The following GRIN2A variants were observed in gnomAD, a reference collection of about 807,000 sequenced individuals.
The protein encoded by GRIN2A is glutamate receptor ionotropic, NMDA 2A.
A neutral mutation model predicts 113.4 loss-of-function variants in GRIN2A; 22 were observed. The ratio of observed to expected loss-of-function variants is 0.19; its 90% CI spans 0.14 to 0.28. The LOEUF is 0.28. GRIN2A is among the 10% of genes least tolerant of loss of function. The pLI, the probability that GRIN2A is intolerant of heterozygous loss-of-function variation, is 1.00. For missense variants in GRIN2A, 1,502 were observed against 1,887.0 expected (o/e 0.80, Z 3.78); for synonymous variants, 827 against 738.4 (o/e 1.12, Z -1.94).
intron 4 of GRIN2A, 52 bp from the exon 5 acceptor site, chr16:9,850,013 T>A (rs775927553): frequency 1.3e-6 from 2 of 1,493,154 alleles, no homozygotes; most frequent in South Asian, 2.3e-5. Context: ...CGCTGATTTC[T>A]GGAGAGGCAA....
At chr16:10,034,343 G>A (rs1270219046) in intron 2 of GRIN2A, among the ~76,000 whole-genome samples, 2 of 151,684 alleles carry the variant, frequency 1.3e-5, no homozygotes, top group African/African-American at 4.8e-5. Context: ...TGGCCAATAT[G>A]GTGAAACCCT....
rs151137679 is a variant in GRIN2A, at chr16:9,849,920, G to C, written c.1164C>G (p.Ala388=). 1 of 1,614,050 alleles carries C rather than the reference G, an allele frequency of 6.2e-7. No individual in the cohort carries two copies. Among genetic ancestry groups the C allele is most frequent in the Non-Finnish European group, 8.5e-7 (1 of 1,179,974 alleles). ...WENHTLSLRH[A]VWPRYKSFSD... ...AGAAGGACTTGTACCTGGGCCACAC[G>C]GCGTGCCTCAGGCTCAGCGTATGGT... The change falls in exon 5 of 13, where the codon GCC becomes GCG. Residue 388 remains alanine, a synonymous_variant. Transcript: ENST00000330684.
At chr16:10,032,149 A>G (rs1174668733) in intron 2 of GRIN2A, among the ~76,000 whole-genome samples, 1 of 152,224 alleles carries the variant, frequency 6.6e-6, no homozygotes, top group Non-Finnish European at 1.5e-5. Flanking sequence ...TTTGGACCCC[A>G]TTTTATGCTG....
chr16:10,154,796 A>G (rs1174581048), intron 2 of GRIN2A, among the ~76,000 whole-genome samples: 2 of 152,222 alleles, frequency 1.3e-5, no homozygotes, highest in Non-Finnish European at 2.9e-5. Flanking sequence ...CAGAAATAGC[A>G]GCACAGACAA....
chr16:9,915,443 C>G (rs1461373668), intron 3 of GRIN2A, among the ~76,000 whole-genome samples: 1 of 152,120 alleles, frequency 6.6e-6, no homozygotes, highest in African/African-American at 2.4e-5. Context: ...TACATACAAA[C>G]AAGTATTTTT....
chr16:9,991,031 C>T (rs1363135117), intron 2 of GRIN2A, among the ~76,000 whole-genome samples: 1 of 152,040 alleles, frequency 6.6e-6, no homozygotes, highest in African/African-American at 2.4e-5. Context: ...CACGCCACTA[C>T]ACTCCAGCCT....
At chr16:10,093,651 T>C (rs991626418) in intron 2 of GRIN2A, among the ~76,000 whole-genome samples, 1 of 151,878 alleles carries the variant, frequency 6.6e-6, no homozygotes, top group African/African-American at 2.4e-5. Flanking sequence ...TTGCAGTAGA[T>C]TGCATGATTG....
At chr16:10,078,181 T>C (rs1007441256) in intron 2 of GRIN2A, among the ~76,000 whole-genome samples, 6 of 152,188 alleles carry the variant, frequency 3.9e-5, no homozygotes, top group Non-Finnish European at 7.4e-5. Flanking sequence ...ACAACAATAA[T>C]GAAGTGCTTA....
intron 11 of GRIN2A, among the ~76,000 whole-genome samples, chr16:9,790,189 A>G (rs1902521135): frequency 1.3e-5 from 2 of 152,204 alleles, no homozygotes. Flanking sequence ...AGATACCCCA[A>G]CTGTCCTCTA....
intron 2 of GRIN2A, among the ~76,000 whole-genome samples, chr16:10,055,553 A>G (rs1185045509): frequency 6.6e-6 from 1 of 152,236 alleles, no homozygotes; most frequent in African/African-American, 2.4e-5. Context: ...AGCAGACAAA[A>G]CATCTGGGAA....
At chr16:10,081,627 A>G (rs567620193) in intron 2 of GRIN2A, among the ~76,000 whole-genome samples, 1 of 152,364 alleles carries the variant, frequency 6.6e-6, no homozygotes, top group East Asian at 1.9e-4. Flanking sequence ...TTGTAAAAAC[A>G]AATAGAACTT....
intron 11 of GRIN2A, among the ~76,000 whole-genome samples, chr16:9,789,474 G>A (rs1310399258): frequency 6.6e-6 from 1 of 152,060 alleles, no homozygotes; most frequent in Non-Finnish European, 1.5e-5. Context: ...TGACTATTAT[G>A]TGGGAACGCC....
rs570902379 is a variant in GRIN2A at position 9,784,529 on chromosome 16, G to A, written c.2356+13748C>T. Among the ~76,000 whole-genome samples the A allele has an allele frequency of 6.7e-4, 102 of 151,374 alleles. 2 individuals are homozygous for A. Among genetic ancestry groups the A allele is most frequent in the Non-Finnish European group, 2.4e-4 (16 of 67,896 alleles). On this transcript the variant is annotated intron_variant, in intron 11 of 12. Transcript: ENST00000330684. The stretch of plus-strand genomic sequence containing the variant: ...CAATACCACTCAGGACATAGGCATG[G>A]GCAAGGACTTCATGTCTAAAACACC...
intron 10 of GRIN2A, among the ~76,000 whole-genome samples, chr16:9,814,156 TATG>T (rs2042142865): frequency 6.6e-6 from 1 of 152,220 alleles, no homozygotes; most frequent in South Asian, 2.1e-4. Context: ...CATCAATTAA[TATG>T]ATATGTACTC....
chr16:10,110,766 A>G (rs2048597491), intron 2 of GRIN2A, among the ~76,000 whole-genome samples: 1 of 152,230 alleles, frequency 6.6e-6, no homozygotes, highest in South Asian at 2.1e-4. Flanking sequence ...TTCACAGCTC[A>G]ACACAGATGA....
chr16:10,005,626 C>G (rs62033386), intron 2 of GRIN2A, among the ~76,000 whole-genome samples: 3 of 151,950 alleles, frequency 2.0e-5, no homozygotes, highest in Admixed American at 6.6e-5. Context: ...ATCACTGGAG[C>G]TTTTAAATCT....
intron 2 of GRIN2A, among the ~76,000 whole-genome samples, chr16:10,049,528 C>T (rs1181590833): frequency 6.6e-6 from 1 of 152,130 alleles, no homozygotes; most frequent in Non-Finnish European, 1.5e-5. Context: ...CAAGCACCCA[C>T]AACTACGCCC....
intron 4 of GRIN2A, among the ~76,000 whole-genome samples, chr16:9,885,483 G>T (rs950099290): frequency 8.5e-5 from 13 of 152,202 alleles, no homozygotes; most frequent in African/African-American, 3.1e-4. Flanking sequence ...TATACAGGCA[G>T]GCCTGGTGTT....
intron 11 of GRIN2A, among the ~76,000 whole-genome samples, chr16:9,769,494 C>A (rs1343488997): frequency 7.5e-6 from 1 of 133,354 alleles, no homozygotes; most frequent in Non-Finnish European, 1.6e-5. Flanking sequence ...GTTTTTCTGA[C>A]CTTGCTTTCC....
Sources: gnomAD v4.1 joint callset for allele counts (sites outside exome capture counted in the v4.1 genomes callset) on GRCh38, gnomAD v4.1.1 for gene constraint, MANE v1.5 for transcripts, NCBI Gene and HGNC (gene_info 2026-07-23, HGNC 2026-07-21) for gene names.